The following SLC4A5 variants were observed in gnomAD, a reference collection of about 807,000 sequenced individuals.
The protein encoded by SLC4A5 is solute carrier family 4 member 5.
SLC4A5 carries 96 observed loss-of-function variants against 120.4 expected under a neutral mutation model. The observed-to-expected ratio is 0.80, with a 90% CI of 0.68 to 0.94. SLC4A5 has a LOEUF of 0.94. Ranked by LOEUF, SLC4A5 falls within the 40% of genes least tolerant of loss-of-function variation. The pLI is 0.00. For synonymous variants in SLC4A5, 550 were observed against 571.1 expected, an observed-to-expected ratio of 0.96 and a Z score of 0.53; for missense variants, 1,259 against 1,459.5, an observed-to-expected ratio of 0.86 and a Z score of 2.24.
At chr2:74,220,197 G>A (rs1335499446) in intron 30 of SLC4A5, among the ~76,000 whole-genome samples, 1 of 152,158 alleles carries the variant, frequency 6.6e-6, no homozygotes, top group Non-Finnish European at 1.5e-5. Flanking sequence ...TTCTGTGTTT[G>A]CCCCCACTAT....
At position 74,305,636 on chromosome 2, in the gene SLC4A5, C is replaced by A. The variant is rs190956805; in HGVS notation, c.80-956G>T. On this transcript the variant is annotated intron_variant, in intron 6 of 30. Coordinates refer to ENST00000394019, the Ensembl canonical transcript of SLC4A5. ...AGGACATACATCTACAATTATATAT[C>A]ATATAGAATAGCTTCACTACTCTAA... Among the ~76,000 whole-genome samples, 332 of 151,684 alleles carry A rather than the reference C, an allele frequency of 2.2e-3. 2 individuals carry two copies. The highest frequency in any genetic ancestry group is 3.5e-3 in the Middle Eastern group (1 of 288).
intron 4 of SLC4A5, 87 bp from the exon 5 acceptor site, chr2:74,328,273 G>A (rs1033584405): frequency 1.7e-5 from 14 of 839,734 alleles, no homozygotes; most frequent in South Asian, 1.1e-4. Flanking sequence ...GCTCAGTGGC[G>A]GCCAGCCATG....
chr2:74,324,607 G>A (rs538169798), intron 5 of SLC4A5, among the ~76,000 whole-genome samples: 1 of 152,050 alleles, frequency 6.6e-6, no homozygotes, highest in Non-Finnish European at 1.5e-5. Context: ...TATTAAATTG[G>A]GTCAGTTGGT....
intron 7 of SLC4A5, among the ~76,000 whole-genome samples, chr2:74,296,085 A>G (rs1672315609): frequency 6.6e-6 from 1 of 152,186 alleles, no homozygotes; most frequent in Admixed American, 6.5e-5. Context: ...TAAGGTCTTA[A>G]GGTCACTAAC....
intron 6 of SLC4A5, chr2:74,308,105 G>A (rs1440042850): frequency 1.2e-5 from 5 of 403,426 alleles, no homozygotes; most frequent in South Asian, 2.1e-5. Context: ...TCAATGTACT[G>A]TAGTTTGTTC....
chr2:74,302,414 C>T (rs1000866352), intron 7 of SLC4A5, among the ~76,000 whole-genome samples: 108 of 152,166 alleles, frequency 7.1e-4, no homozygotes, highest in Non-Finnish European at 2.9e-4. Context: ...GTCAGGAGTT[C>T]GAGACCAGCC....
chr2:74,252,285 T>A, exon 16 of SLC4A5: 1 of 1,611,912 alleles, frequency 6.2e-7, no homozygotes, highest in Middle Eastern at 1.6e-4. Context: ...CCGCCGCCAC[T>A]GCCACCACCA....
chr2:74,279,573 G>A (rs1671746343), intron 8 of SLC4A5, among the ~76,000 whole-genome samples: 1 of 152,054 alleles, frequency 6.6e-6, no homozygotes, highest in African/African-American at 2.4e-5. Flanking sequence ...CTGTGGGCTT[G>A]ATTTCCACCT....
intron 10 of SLC4A5, among the ~76,000 whole-genome samples, chr2:74,263,870 G>T (rs985935681): frequency 6.6e-6 from 1 of 152,222 alleles, no homozygotes; most frequent in East Asian, 1.9e-4. Context: ...GTGGGGCCCA[G>T]GCATTAGGAC....
chr2:74,276,575 A>G (rs889841226), intron 8 of SLC4A5, among the ~76,000 whole-genome samples: 1 of 148,502 alleles, frequency 6.7e-6, no homozygotes, highest in Non-Finnish European at 1.5e-5. Flanking sequence ...TGCACCACCT[A>G]TACTCTCATA....
exon 14 of SLC4A5, chr2:74,254,680 G>T: frequency 1.2e-6 from 2 of 1,614,012 alleles, no homozygotes; most frequent in Non-Finnish European, 8.5e-7. Flanking sequence ...TGCTCTCCCA[G>T]AAGGTCCCAG....
At chr2:74,297,871 C>G (rs2104230625) in intron 7 of SLC4A5, among the ~76,000 whole-genome samples, 1 of 152,240 alleles carries the variant, frequency 6.6e-6, no homozygotes, top group South Asian at 2.1e-4. Flanking sequence ...TTATTTCCTA[C>G]CTATCTATTC....
chr2:74,293,539 A>T (rs1672238101), intron 7 of SLC4A5, among the ~76,000 whole-genome samples: 1 of 152,202 alleles, frequency 6.6e-6, no homozygotes. Flanking sequence ...CAGAGCTGGT[A>T]AATGGAAGAG....
chr2:74,225,584 A>T (rs1164759631), intron 27 of SLC4A5, among the ~76,000 whole-genome samples: 1 of 152,198 alleles, frequency 6.6e-6, no homozygotes, highest in African/African-American at 2.4e-5. Flanking sequence ...CGACAGAGCA[A>T]GACTCCATCT....
At chr2:74,324,847 A>G (rs1364084409) in intron 5 of SLC4A5, among the ~76,000 whole-genome samples, 3 of 152,152 alleles carry the variant, frequency 2.0e-5, no homozygotes, top group African/African-American at 7.2e-5. Context: ...TAACTGGGCC[A>G]ATCAGAATTC....
chr2:74,329,508 GA>G (rs1673298737), intron 4 of SLC4A5, among the ~76,000 whole-genome samples: 1 of 152,186 alleles, frequency 6.6e-6, no homozygotes, highest in South Asian at 2.1e-4. Context: ...AGAATTGCTT[GA>G]ACCCAGGAGG....
chr2:74,297,407 G>T (rs941928553), intron 7 of SLC4A5, among the ~76,000 whole-genome samples: 1 of 152,086 alleles, frequency 6.6e-6, no homozygotes, highest in African/African-American at 2.4e-5. Flanking sequence ...CTCATCCTGG[G>T]ACAAGTCTCA....
At chr2:74,318,939 T>C (rs1673029926) in intron 5 of SLC4A5, among the ~76,000 whole-genome samples, 1 of 152,054 alleles carries the variant, frequency 6.6e-6, no homozygotes, top group South Asian at 2.1e-4. Context: ...ATAGCAAAGA[T>C]ATGGAATCAA....
chr2:74,290,921 T>C (rs572186250), intron 7 of SLC4A5, among the ~76,000 whole-genome samples: 1 of 152,184 alleles, frequency 6.6e-6, no homozygotes, highest in East Asian at 1.9e-4. Flanking sequence ...TAGGATGTGC[T>C]GTGAGATTCC....
Sources: gnomAD v4.1 joint callset for allele counts (sites outside exome capture counted in the v4.1 genomes callset) on GRCh38, gnomAD v4.1.1 for gene constraint, MANE v1.5 for transcripts, NCBI Gene and HGNC (gene_info 2026-07-23, HGNC 2026-07-21) for gene names.